Variants in ACYP2 observed in about 807,000 individuals in gnomAD.
ACYP2 encodes the protein acylphosphatase 2, also known as acylphosphatase-2.
Under a neutral mutation model 11.2 loss-of-function variants are expected in ACYP2, and 12 were observed. The observed-to-expected ratio is 1.08, with a 90% CI of 0.69 to 1.74. The LOEUF (loss-of-function observed/expected upper bound fraction) is 1.74, where lower values mean the gene tolerates loss of function less well. Among genes scored for constraint, ACYP2 ranks in the 40% most tolerant of loss-of-function variants. The pLI, the probability that ACYP2 is intolerant of heterozygous loss-of-function variation, is 0.00. For missense variants in ACYP2, 134 were observed against 101.9 expected, an observed-to-expected ratio of 1.31 and a Z score of -1.35; for synonymous variants, 43 against 32.2, an observed-to-expected ratio of 1.33 and a Z score of -1.13.
intron 6 of ACYP2, among the ~76,000 whole-genome samples, chr2:54,180,813 C>G (rs764286446): frequency 1.3e-4 from 20 of 152,140 alleles, no homozygotes; most frequent in Admixed American, 2.0e-4. Flanking sequence ...CCTCAGCCTC[C>G]GAAAATTCTG....
chr2:54,109,615 A>G (rs1679349519), intron 4 of ACYP2, among the ~76,000 whole-genome samples: 1 of 152,188 alleles, frequency 6.6e-6, no homozygotes, highest in Non-Finnish European at 1.5e-5. Flanking sequence ...TGAAATGGTG[A>G]ATCTGCTCAT....
chr2:53,982,162 A>G (rs889386572), intron 2 of ACYP2, among the ~76,000 whole-genome samples: 5 of 152,194 alleles, frequency 3.3e-5, no homozygotes, highest in African/African-American at 1.2e-4. Flanking sequence ...CAGTTTTTAT[A>G]TGTATAAATA....
At chr2:54,281,528 T>C (rs1389020610) in intron 6 of ACYP2, among the ~76,000 whole-genome samples, 1 of 152,172 alleles carries the variant, frequency 6.6e-6, no homozygotes, top group Non-Finnish European at 1.5e-5. Context: ...ACTTCCCATC[T>C]CCTTAGAATT....
chr2:54,181,060 GC>G (rs1226346522), intron 6 of ACYP2, among the ~76,000 whole-genome samples: 1 of 152,136 alleles, frequency 6.6e-6, no homozygotes, highest in Non-Finnish European at 1.5e-5. Context: ...ATTACAAAAA[GC>G]ACTTCAGTGT....
At chr2:54,039,866 T>TGTGTGC (rs1315923824) in intron 2 of ACYP2, among the ~76,000 whole-genome samples, 1 of 146,634 alleles carries the variant, frequency 6.8e-6, no homozygotes, top group Non-Finnish European at 1.5e-5. Context: ...TGTGTGTGTG[T>TGTGTGC]GTGTTTTGAG....
chr2:54,270,662 TACTA>T (rs1285956238), intron 6 of ACYP2, among the ~76,000 whole-genome samples: 3 of 152,196 alleles, frequency 2.0e-5, no homozygotes, highest in African/African-American at 4.8e-5. Flanking sequence ...AAAATGTAAT[TACTA>T]ACTTATTTTT....
At chr2:54,057,484 A>G (rs1186272515) in intron 4 of ACYP2, 1 of 386,270 alleles carries the variant, frequency 2.6e-6, no homozygotes, top group Non-Finnish European at 4.6e-6. Flanking sequence ...ATTTTGAGGG[A>G]AAAAGTGCCC....
chr2:54,176,224 T>G (rs553773528), intron 6 of ACYP2, among the ~76,000 whole-genome samples: 1 of 152,306 alleles, frequency 6.6e-6, no homozygotes, highest in Non-Finnish European at 1.5e-5. Flanking sequence ...TGGCCACCAA[T>G]GAGATGTGAA....
At chr2:54,071,284 C>T (rs1677028088) in intron 4 of ACYP2, among the ~76,000 whole-genome samples, 1 of 151,990 alleles carries the variant, frequency 6.6e-6, no homozygotes, top group Non-Finnish European at 1.5e-5. Flanking sequence ...AGATTCTAGC[C>T]AGGACAATGA....
intron 6 of ACYP2, among the ~76,000 whole-genome samples, chr2:54,161,034 CG>C (rs929517000): frequency 1.3e-5 from 2 of 152,168 alleles, no homozygotes; most frequent in Non-Finnish European, 2.9e-5. Flanking sequence ...TTGTTAGAAA[CG>C]TAAATTCTTG....
At chr2:54,100,578 G>A (rs940053229) in intron 4 of ACYP2, among the ~76,000 whole-genome samples, 4 of 151,610 alleles carry the variant, frequency 2.6e-5, no homozygotes, top group African/African-American at 9.7e-5. Flanking sequence ...CAAAGTTCTG[G>A]GATTATAGGG....
At chr2:54,255,223 A>G (rs1182741721) in intron 6 of ACYP2, 1 of 1,614,178 alleles carries the variant, frequency 6.2e-7, no homozygotes, top group South Asian at 1.1e-5. Context: ...ATACACCTTT[A>G]CAATCAGCTT....
chr2:54,138,809 T>G (rs1681426060), intron 6 of ACYP2, 61 bp downstream of exon 3: 4 of 1,399,292 alleles, frequency 2.9e-6, no homozygotes, highest in Non-Finnish European at 4.0e-6. Flanking sequence ...TTTTAGTTTT[T>G]TAAGACATGG....
intron 6 of ACYP2, among the ~76,000 whole-genome samples, chr2:54,161,789 TGAAAA>T (rs1338607108): frequency 2.0e-5 from 3 of 152,224 alleles, no homozygotes; most frequent in Non-Finnish European, 2.9e-5. Context: ...TTAACAATAA[TGAAAA>T]GAATATAGAT....
At chr2:54,060,812 T>C (rs934522882) in intron 4 of ACYP2, among the ~76,000 whole-genome samples, 4 of 152,228 alleles carry the variant, frequency 2.6e-5, no homozygotes, top group Non-Finnish European at 5.9e-5. Context: ...TGGGATCCAC[T>C]GCTTTGAAAA....
intron 4 of ACYP2, among the ~76,000 whole-genome samples, chr2:54,085,783 C>T (rs940309526): frequency 6.6e-6 from 1 of 152,048 alleles, no homozygotes; most frequent in Non-Finnish European, 1.5e-5. Flanking sequence ...ATTATTTGAT[C>T]TCAGTGAAGA....
chr2:54,105,038 G>T (rs1031650309), intron 4 of ACYP2, among the ~76,000 whole-genome samples: 2 of 152,096 alleles, frequency 1.3e-5, no homozygotes, highest in African/African-American at 2.4e-5. Context: ...GATATTTTTG[G>T]GGAAATATTC....
intron 6 of ACYP2, among the ~76,000 whole-genome samples, chr2:54,233,781 GCTCT>G (rs1297153311): frequency 1.3e-5 from 2 of 152,024 alleles, no homozygotes; most frequent in African/African-American, 4.8e-5. Context: ...TTATGTATTA[GCTCT>G]CTCTCTTACA....
In ACYP2 at chr2:54,275,206, T is replaced by A. The variant is rs535615068; in HGVS notation, c.405-29482T>A. Among the ~76,000 whole-genome samples the A allele has an allele frequency of 2.0e-5, 3 of 152,376 alleles. No individual in the cohort carries two copies. In the South Asian group the frequency reaches 6.2e-4, roughly 32 times the overall value. On this transcript the variant is annotated intron_variant, in intron 6 of 6. Coordinates refer to ENST00000607452, the MANE Select transcript of ACYP2 (RefSeq NM_001320586.2). ...GGCTGCTTTTCTTTATTTATTCAAGTTAGATTTCATGTAAACCCTTAAATT... is the reference window on the plus strand; with the variant it reads ...GGCTGCTTTTCTTTATTTATTCAAGATAGATTTCATGTAAACCCTTAAATT...
Sources: allele counts gnomAD v4.1 joint callset (sites outside exome capture counted in the v4.1 genomes callset), GRCh38; gene constraint gnomAD v4.1.1; transcripts MANE v1.5; gene names NCBI Gene and HGNC (gene_info 2026-07-23, HGNC 2026-07-21).